The following YEATS4 variants were observed in gnomAD, a reference collection of about 807,000 sequenced individuals.
The protein encoded by YEATS4 is YEATS domain-containing protein 4.
A neutral mutation model predicts 30.1 loss-of-function variants in YEATS4; 17 were observed. That is an observed-to-expected ratio of 0.56 (90% CI 0.39 to 0.85). The LOEUF is 0.85. Among genes scored for constraint, YEATS4 ranks in the 40% least tolerant of loss-of-function variants. YEATS4 has a pLI of 0.00. For synonymous variants in YEATS4, 85 were observed against 87.5 expected (o/e 0.97, Z 0.16); for missense variants, 142 against 268.3 (o/e 0.53, Z 3.29).
At chr12:69,400,058 G>A in the YEATS4 span, among the ~76,000 whole-genome samples, 3 of 151,860 alleles carry the variant, frequency 2.0e-5, no homozygotes, top group Non-Finnish European at 2.9e-5. Context: ...AGTGGTGATC[G>A]TTACACAACC....
chr12:69,412,378 G>C, the YEATS4 span, among the ~76,000 whole-genome samples: 1 of 152,086 alleles, frequency 6.6e-6, no homozygotes, highest in Non-Finnish European at 1.5e-5. Context: ...AAGTCCGGGC[G>C]CGGTGGCTCA....
In YEATS4 at chr12:69,370,724, C is replaced by G; in HGVS notation, c.352C>G (p.Leu118Val). Reference protein sequence around the residue: ...NERPVTLYHLLKLFQSDTNAM... With the variant: ...NERPVTLYHLVKLFQSDTNAM... Reference sequence around the variant, plus strand: ...TTCACAGGTAACCCTGTATCATTTGCTAAAGCTGTTTCAATCAGACACCAA... The same window carrying G: ...TTCACAGGTAACCCTGTATCATTTGGTAAAGCTGTTTCAATCAGACACCAA... The change falls in exon 5 of 7, where the codon CTA (leucine) becomes GTA (valine). Residue 118 changes from leucine to valine, a missense_variant. By Grantham distance (32) the Leu-to-Val change is conservative (BLOSUM62 1). Coordinates refer to ENST00000247843, the MANE Select transcript of YEATS4 (RefSeq NM_006530.4). 6.3e-7 allele frequency: 1 copy of G among 1,579,478 alleles called. No homozygotes were observed. The highest frequency in any genetic ancestry group is 1.2e-5 in the South Asian group (1 of 83,662).
chr12:69,408,897 A>G, the YEATS4 span, among the ~76,000 whole-genome samples: 1 of 152,208 alleles, frequency 6.6e-6, no homozygotes, highest in Non-Finnish European at 1.5e-5. Context: ...ACAGTTACAC[A>G]TCATTAGAAA....
intron 6 of YEATS4, among the ~76,000 whole-genome samples, chr12:69,380,676 G>T (rs929209903): frequency 6.6e-6 from 1 of 151,864 alleles, no homozygotes; most frequent in South Asian, 2.1e-4. Context: ...CAGTATCAGG[G>T]GAAATTCAGC....
intron 6 of YEATS4, among the ~76,000 whole-genome samples, chr12:69,378,142 A>G (rs1002947139): frequency 3.9e-5 from 6 of 152,118 alleles, no homozygotes; most frequent in South Asian, 4.2e-4. Context: ...TGTTTGTCTG[A>G]TGTCAGTATT....
intron 6 of YEATS4, among the ~76,000 whole-genome samples, chr12:69,375,903 G>C (rs528762992): frequency 7.3e-4 from 111 of 152,266 alleles, no homozygotes; most frequent in African/African-American, 2.5e-3. Context: ...AGAGAGGGAG[G>C]GGGAGGGGGA....
chr12:69,389,244 G>A (rs1280346101), intron 6 of YEATS4, among the ~76,000 whole-genome samples: 1 of 152,042 alleles, frequency 6.6e-6, no homozygotes, highest in Non-Finnish European at 1.5e-5. Context: ...GAGCTCAGGA[G>A]TTCGCAGTCA....
At chr12:69,411,839 C>T in the YEATS4 span, among the ~76,000 whole-genome samples, 95 of 152,282 alleles carry the variant, frequency 6.2e-4, no homozygotes, top group African/African-American at 2.1e-3. Flanking sequence ...ACCCCAGGGG[C>T]CAATGTGGCC....
the YEATS4 span, among the ~76,000 whole-genome samples, chr12:69,418,409 G>T: frequency 6.6e-6 from 1 of 152,038 alleles, no homozygotes; most frequent in African/African-American, 2.4e-5. Flanking sequence ...CCAAGATCTT[G>T]CCACTGCACT....
chr12:69,392,251 A>G (rs140674016), downstream of YEATS4, among the ~76,000 whole-genome samples: 94 of 152,350 alleles, frequency 6.2e-4, no homozygotes, highest in African/African-American at 2.1e-3. Flanking sequence ...TGATGAGGCT[A>G]TAGAAAAATT....
chr12:69,412,102 C>T, the YEATS4 span, among the ~76,000 whole-genome samples: 3 of 152,110 alleles, frequency 2.0e-5, no homozygotes, highest in Admixed American at 1.3e-4. Context: ...TGATGAGGGT[C>T]GGGAGCAGTA....
At chr12:69,361,123 G>T (rs1875184804) in intron 1 of YEATS4, among the ~76,000 whole-genome samples, 1 of 151,398 alleles carries the variant, frequency 6.6e-6, no homozygotes, top group African/African-American at 2.4e-5. Context: ...GCTTGAACCC[G>T]AGAGGCGGAA....
downstream of YEATS4, among the ~76,000 whole-genome samples, chr12:69,395,026 C>G (rs1433975560): frequency 6.6e-6 from 1 of 152,150 alleles, no homozygotes; most frequent in Admixed American, 6.5e-5. Context: ...GAGGAAACAG[C>G]TACCCTCATA....
rs549805759 is a variant in YEATS4 at position 69,380,604 on chromosome 12, G to C, written c.515-9543G>C. On this transcript the variant is annotated intron_variant, in intron 6 of 6. Coordinates refer to ENST00000247843, the MANE Select transcript of YEATS4 (RefSeq NM_006530.4). ...CCAAGGCCCACTGTAACCGCTGCCT[G>C]GCTGCCACCTATGTTTGTGTGAGGC... Among the ~76,000 whole-genome samples, 4 of 152,292 alleles carry C rather than the reference G, an allele frequency of 2.6e-5. No individual in the cohort carries two copies. The East Asian group carries it at 7.7e-4, about 29-fold the overall frequency.
rs149888948 is a variant in YEATS4 at position 69,364,672 on chromosome 12, T to C, written c.172-961T>C. Among the ~76,000 whole-genome samples, 12 of 152,346 alleles carry C rather than the reference T, an allele frequency of 7.9e-5. 1 individual carries two copies. In the East Asian group the frequency reaches 2.3e-3, roughly 29 times the overall value. On this transcript the variant is annotated intron_variant, in intron 2 of 6. Transcript: ENST00000247843. ...TTCTCTCTTATTGCCCTGGCTGGAA[T>C]GCAATGGTGTGATCTCAGCTTATTG...
chr12:69,401,417 G>C, the YEATS4 span, among the ~76,000 whole-genome samples: 6 of 152,152 alleles, frequency 3.9e-5, no homozygotes, highest in African/African-American at 1.2e-4. Flanking sequence ...GCTGGTGTTG[G>C]GGAGCATGAG....
chr12:69,365,040 T>A (rs772388075), intron 2 of YEATS4, among the ~76,000 whole-genome samples: 24 of 152,214 alleles, frequency 1.6e-4, no homozygotes, highest in Non-Finnish European at 3.4e-4. Context: ...GAATATTATC[T>A]ATAGAGGTGT....
chr12:69,378,215 C>T (rs1161190758), intron 6 of YEATS4, among the ~76,000 whole-genome samples: 2 of 151,620 alleles, frequency 1.3e-5, no homozygotes, highest in Non-Finnish European at 2.9e-5. Flanking sequence ...CATGCAATAT[C>T]TTTTTCCATC....
chr12:69,361,841 A>G (rs1037717927), intron 1 of YEATS4, among the ~76,000 whole-genome samples: 1 of 152,200 alleles, frequency 6.6e-6, no homozygotes, highest in Non-Finnish European at 1.5e-5. Context: ...TGTAGCAAAC[A>G]TGTCATCAGC....
Sources: gnomAD v4.1 joint callset for allele counts (sites outside exome capture counted in the v4.1 genomes callset) on GRCh38, gnomAD v4.1.1 for gene constraint, MANE v1.5 for transcripts, NCBI Gene and HGNC (gene_info 2026-07-23, HGNC 2026-07-21) for gene names.